The following YPEL2 variants were observed in gnomAD, a reference collection of about 807,000 sequenced individuals.
The protein encoded by YPEL2 is protein yippee-like 2.
YPEL2 carries 2 observed loss-of-function variants against 19.1 expected under a neutral mutation model. The ratio of observed to expected loss-of-function variants is 0.10; its 90% CI spans 0.04 to 0.33. The LOEUF is 0.33. Ranked by LOEUF, YPEL2 falls within the 10% of genes least tolerant of loss-of-function variation. The pLI is 1.00. For synonymous variants in YPEL2, 52 were observed against 50.0 expected (o/e 1.04, Z -0.17); for missense variants, 66 against 140.7 (o/e 0.47, Z 2.68).
chr17:59,347,824 C>CAT (rs1433214846), intron 1 of YPEL2, among the ~76,000 whole-genome samples: 7 of 152,050 alleles, frequency 4.6e-5, no homozygotes, highest in African/African-American at 1.7e-4. Flanking sequence ...TACACACAGG[C>CAT]ATCAGGTTCA....
intron 2 of YPEL2, among the ~76,000 whole-genome samples, chr17:59,373,904 A>C (rs1417491743): frequency 6.6e-6 from 1 of 152,244 alleles, no homozygotes; most frequent in African/African-American, 2.4e-5. Flanking sequence ...GAATTATCAG[A>C]TAAGGTCGGT....
At chr17:59,373,583 G>C (rs1251750112) in intron 2 of YPEL2, among the ~76,000 whole-genome samples, 1 of 152,214 alleles carries the variant, frequency 6.6e-6, no homozygotes, top group Admixed American at 6.5e-5. Flanking sequence ...GCGGTGCCCA[G>C]CAAGGCTCCG....
intron 1 of YPEL2, among the ~76,000 whole-genome samples, chr17:59,339,110 C>T (rs1163994343): frequency 1.5e-5 from 1 of 68,592 alleles, no homozygotes; most frequent in Non-Finnish European, 3.4e-5. Flanking sequence ...GCGCCCCCCA[C>T]CCCCACCCCC....
chr17:59,332,483 C>T (rs1383243209), intron 1 of YPEL2, among the ~76,000 whole-genome samples: 1 of 152,086 alleles, frequency 6.6e-6, no homozygotes, highest in Non-Finnish European at 1.5e-5. Context: ...ACGCGGGAGC[C>T]TCTGCCGCGA....
intron 2 of YPEL2, among the ~76,000 whole-genome samples, chr17:59,357,407 A>G (rs1470321148): frequency 2.6e-5 from 4 of 152,098 alleles, no homozygotes; most frequent in Admixed American, 1.3e-4. Flanking sequence ...GGGTAGGGGG[A>G]AAAACTCTTG....
At chr17:59,338,276 T>G (rs149754715) in intron 1 of YPEL2, among the ~76,000 whole-genome samples, 1 of 152,342 alleles carries the variant, frequency 6.6e-6, no homozygotes, top group East Asian at 1.9e-4. Context: ...TGGGTGCCAC[T>G]GAGGCTCAAA....
chr17:59,389,267 C>T, intron 3 of YPEL2, 93 bp from the exon 4 acceptor site: 1 of 1,171,148 alleles, frequency 8.5e-7, no homozygotes, highest in Non-Finnish European at 1.2e-6. Context: ...CTTGGGACAG[C>T]CTTTCCCAGT....
At chr17:59,394,237 C>G (rs2048025121) in intron 4 of YPEL2, among the ~76,000 whole-genome samples, 1 of 151,980 alleles carries the variant, frequency 6.6e-6, no homozygotes, top group Admixed American at 6.5e-5. Flanking sequence ...CGGGCGGAGA[C>G]ACTCCTCACT....
intron 2 of YPEL2, among the ~76,000 whole-genome samples, chr17:59,373,400 A>T (rs1288729751): frequency 6.6e-6 from 1 of 152,152 alleles, no homozygotes; most frequent in Admixed American, 6.5e-5. Flanking sequence ...TCTTCATGAA[A>T]GCCCTCTGCT....
At chr17:59,339,471 C>G (rs1348807685) in intron 1 of YPEL2, among the ~76,000 whole-genome samples, 2 of 152,156 alleles carry the variant, frequency 1.3e-5, no homozygotes, top group Non-Finnish European at 2.9e-5. Context: ...TCAGGTTATT[C>G]CCATCCCTCA....
intron 2 of YPEL2, among the ~76,000 whole-genome samples, chr17:59,375,755 G>GCCT (rs1567751758): frequency 6.6e-6 from 1 of 152,180 alleles, no homozygotes; most frequent in Non-Finnish European, 1.5e-5. Flanking sequence ...CCACTTGAGC[G>GCCT]AGAGAATTAA....
intron 1 of YPEL2, among the ~76,000 whole-genome samples, chr17:59,340,316 C>T (rs2047722023): frequency 6.6e-6 from 1 of 152,066 alleles, no homozygotes; most frequent in South Asian, 2.1e-4. Context: ...ACTACGTTGG[C>T]CAGGCTGGTC....
chr17:59,348,013 G>A (rs944689991), intron 1 of YPEL2, among the ~76,000 whole-genome samples: 13 of 151,986 alleles, frequency 8.6e-5, no homozygotes, highest in African/African-American at 1.9e-4. Flanking sequence ...TGTATTGTGC[G>A]CCAGCTCTGT....
chr17:59,345,823 G>A (rs1270977095), intron 1 of YPEL2, among the ~76,000 whole-genome samples: 20 of 152,120 alleles, frequency 1.3e-4, no homozygotes, highest in Admixed American at 1.2e-3. Context: ...GTGCTGTGCT[G>A]AATACTCCAA....
At chr17:59,375,922 C>T (rs1357512671) in intron 2 of YPEL2, among the ~76,000 whole-genome samples, 1 of 152,162 alleles carries the variant, frequency 6.6e-6, no homozygotes, top group Non-Finnish European at 1.5e-5. Context: ...GACTTAGAGT[C>T]AAAAGCTGTG....
At chr17:59,334,786 G>A (rs921869119) in intron 1 of YPEL2, among the ~76,000 whole-genome samples, 6 of 152,186 alleles carry the variant, frequency 3.9e-5, no homozygotes, top group Admixed American at 1.3e-4. Flanking sequence ...AGCATCAAGC[G>A]TGGGATTTTA....
chr17:59,362,971 C>T (rs530055464), intron 2 of YPEL2: 3 of 152,238 alleles, frequency 2.0e-5, no homozygotes, highest in African/African-American at 2.4e-5. Flanking sequence ...AAGATGATTC[C>T]TGCACTTAAA....
rs186477591 is a variant in YPEL2, at chr17:59,389,421, G to A, written c.223G>A (p.Ala75Thr). The A allele has an allele frequency of 6.2e-7, 1 of 1,613,976 alleles. No homozygotes were observed. The highest frequency in any genetic ancestry group is 8.5e-7 in the Non-Finnish European group (1 of 1,180,004). Residue 75 changes from alanine (A) to threonine (T), a missense_variant, in exon 4 of 5, where the codon GCA (alanine) becomes ACA (threonine). Transcript: ENST00000312655. ...GTTGCTAACAGGACTGCATGCAGTCGCAGACATTTACTGTGAAAACTGCAA... is the reference window on the plus strand; with the variant it reads ...GTTGCTAACAGGACTGCATGCAGTCACAGACATTTACTGTGAAAACTGCAA... ...RVLLTGLHAVADIYCENCKTT... is the reference protein window; with the variant it reads ...RVLLTGLHAVTDIYCENCKTT...
intron 1 of YPEL2, among the ~76,000 whole-genome samples, chr17:59,337,183 C>CTTTTT (rs146083930): frequency 8.8e-5 from 12 of 136,498 alleles, no homozygotes; most frequent in Admixed American, 7.4e-5. Flanking sequence ...GGGAGAAATT[C>CTTTTT]TTTTTTTTTG....
Sources: allele counts gnomAD v4.1 joint callset (sites outside exome capture counted in the v4.1 genomes callset), GRCh38; gene constraint gnomAD v4.1.1; transcripts MANE v1.5; gene names NCBI Gene and HGNC (gene_info 2026-07-23, HGNC 2026-07-21).